ABI2: variants seen among roughly 807,000 people sequenced by gnomAD.
ABI2 encodes the protein abelson interactor 2.
A neutral mutation model predicts 59.2 loss-of-function variants in ABI2; 25 were observed. That is an observed-to-expected ratio of 0.42 (90% CI 0.31 to 0.59). ABI2 has a LOEUF of 0.59. ABI2 is among the 20% of genes least tolerant of loss of function. The pLI is 0.14. For missense variants in ABI2, 545 were observed against 681.8 expected (o/e 0.80, Z 2.23); for synonymous variants, 213 against 235.5 (o/e 0.90, Z 0.87).
At chr2:203,403,539 G>A (rs1259843033) in intron 9 of ABI2, among the ~76,000 whole-genome samples, 1 of 152,048 alleles carries the variant, frequency 6.6e-6, no homozygotes, top group Admixed American at 6.6e-5. Context: ...GAGTCTTGCA[G>A]AAGAAATTTG....
chr2:203,358,111 G>GTGTT (rs776036611), intron 1 of ABI2, among the ~76,000 whole-genome samples: 18 of 109,348 alleles, frequency 1.6e-4, no homozygotes, highest in East Asian at 1.2e-3. Flanking sequence ...GTGTGTGTGT[G>GTGTT]TGTTTGTTTG....
intron 1 of ABI2, among the ~76,000 whole-genome samples, chr2:203,331,367 T>TTTTTTTTTTTG (rs1198154445): frequency 1.4e-5 from 2 of 146,372 alleles, no homozygotes; most frequent in African/African-American, 5.1e-5. Flanking sequence ...TTTTTTTTTT[T>TTTTTTTTTTTG]TCTGAGACAG....
At chr2:203,412,811 T>G (rs1407896259) in intron 10 of ABI2, among the ~76,000 whole-genome samples, 1 of 152,176 alleles carries the variant, frequency 6.6e-6, no homozygotes, top group East Asian at 1.9e-4. Context: ...GGGTCACTGT[T>G]GCCAGGTTTT....
Position 203,337,152 on chromosome 2 carries a change from C to T in ABI2, c.117+8521C>T, listed in dbSNP as rs2076835095. Among the ~76,000 whole-genome samples the T allele has an allele frequency of 3.9e-5, 6 of 152,030 alleles. No homozygotes were observed. The South Asian group carries it at 6.2e-4, about 16-fold the overall frequency. ...CAAAGTACTAGAAGTCCTAGCCAGC[C>T]AGTTAGGAAAGAAAAATAAACAAAA... On this transcript the variant is annotated intron_variant, in intron 1 of 11. Transcript: ENST00000261018.
At chr2:203,351,643 A>G (rs1398842777) in intron 1 of ABI2, 5 of 414,094 alleles carry the variant, frequency 1.2e-5, no homozygotes, top group South Asian at 8.7e-5. Flanking sequence ...TCAAGTGATC[A>G]TCCTGCCTCA....
intron 2 of ABI2, among the ~76,000 whole-genome samples, chr2:203,378,118 C>CT (rs1454045951): frequency 0.012 from 1,745 of 142,204 alleles, 45 homozygotes; most frequent in African/African-American, 0.041. Context: ...CTTTTCTTTT[C>CT]TTTTTTTTTT....
At chr2:203,419,656 C>T (rs987642982) in intron 11 of ABI2, among the ~76,000 whole-genome samples, 3 of 151,760 alleles carry the variant, frequency 2.0e-5, no homozygotes, top group African/African-American at 7.3e-5. Context: ...GGATTACAGG[C>T]GTGAGCCACT....
chr2:203,367,323 CT>C lies in ABI2; in HGVS notation c.285+292del, dbSNP rs35598384. 1,175 of 167,600 alleles carry C rather than the reference CT, an allele frequency of 7.0e-3. 4 individuals carry two copies. The highest frequency in any genetic ancestry group is 0.031 in the East Asian group (230 of 7,382). The allele number at this position is 167,600 out of a possible 1,614,324, so 10.4% of individuals were successfully genotyped here. A position where few individuals can be genotyped will look rare whatever the true frequency, so the allele number is the denominator to read the frequency against. ...AATGAAACTTCATCCATTCCCCCGC[CT>C]TTTTTTTTTTTTAAAACAAATTTCA... On this transcript the variant is annotated intron_variant, in intron 2 of 11. Transcript: ENST00000261018.
chr2:203,376,281 C>G, intron 2 of ABI2: 1 of 575,132 alleles, frequency 1.7e-6, no homozygotes, highest in Non-Finnish European at 3.0e-6. Context: ...TACCTGGATG[C>G]TTTTCTATAT....
chr2:203,390,029 T>C (rs770705874), intron 4 of ABI2, among the ~76,000 whole-genome samples: 93 of 152,174 alleles, frequency 6.1e-4, no homozygotes, highest in Non-Finnish European at 9.4e-4. Flanking sequence ...CCAATTCCCA[T>C]TGGAACTAGG....
chr2:203,353,443 A>G (rs2090115297), intron 1 of ABI2, among the ~76,000 whole-genome samples: 1 of 152,010 alleles, frequency 6.6e-6, no homozygotes, highest in African/African-American at 2.4e-5. Flanking sequence ...TACCCCTTTT[A>G]CCTCTAATTT....
intron 11 of ABI2, among the ~76,000 whole-genome samples, chr2:203,423,019 C>T (rs1209589167): frequency 6.6e-6 from 1 of 152,178 alleles, no homozygotes; most frequent in African/African-American, 2.4e-5. Context: ...GATAATCTTA[C>T]TAGCATTTTG....
chr2:203,402,809 T>C, intron 9 of ABI2, 75 bp downstream of exon 9: 1 of 1,289,454 alleles, frequency 7.8e-7, no homozygotes, highest in South Asian at 1.7e-5. Context: ...AACCCTTAAT[T>C]ACAAATAGTG....
At chr2:203,351,850 C>A in intron 1 of ABI2, among the ~76,000 whole-genome samples, 1 of 152,098 alleles carries the variant, frequency 6.6e-6, no homozygotes, top group East Asian at 1.9e-4. Flanking sequence ...TTCAGTGTTT[C>A]AGTCTCGTAC....
At chr2:203,425,136 T>C (rs2153603528) in intron 11 of ABI2, among the ~76,000 whole-genome samples, 1 of 152,130 alleles carries the variant, frequency 6.6e-6, no homozygotes, top group East Asian at 1.9e-4. Context: ...AGATAGAGCT[T>C]ACTAACTTTC....
At chr2:203,363,632 G>C (rs2093878130) in intron 1 of ABI2, among the ~76,000 whole-genome samples, 1 of 152,078 alleles carries the variant, frequency 6.6e-6, no homozygotes, top group Non-Finnish European at 1.5e-5. Context: ...GAGAACATGC[G>C]ATCTTTCTGT....
chr2:203,392,073 C>A (rs932858900), intron 5 of ABI2, among the ~76,000 whole-genome samples: 1 of 151,996 alleles, frequency 6.6e-6, no homozygotes, highest in Non-Finnish European at 1.5e-5. Context: ...TAGTCAGCTG[C>A]CAAGAATTCA....
At position 203,371,912 on chromosome 2, in the gene ABI2, CTTTTTA is replaced by C. The variant is rs1006933358; in HGVS notation, c.285+4879_285+4884del. Reference sequence around the variant, plus strand: ...TTGTAAACTAAAATTTTTCTTTTTTCTTTTTATTTTTATTTTATTTATTTATTTATT... The same window carrying C: ...TTGTAAACTAAAATTTTTCTTTTTTCTTTTTATTTTATTTATTTATTTATT... On this transcript the variant is annotated intron_variant, in intron 2 of 11. Coordinates refer to ENST00000261018, the MANE Select transcript of ABI2 (RefSeq NM_001375670.1). Among the ~76,000 whole-genome samples the C allele has an allele frequency of 1.2e-4, 18 of 151,394 alleles. No homozygotes were observed. In the South Asian group the frequency reaches 1.7e-3, roughly 14 times the overall value.
At chr2:203,330,361 AG>A (rs1276630426) in intron 1 of ABI2, among the ~76,000 whole-genome samples, 2 of 150,076 alleles carry the variant, frequency 1.3e-5, no homozygotes, top group Non-Finnish European at 3.0e-5. Flanking sequence ...TCAGAGGTTC[AG>A]GCCTGGGCGA....
Sources: gnomAD v4.1 joint callset for allele counts (sites outside exome capture counted in the v4.1 genomes callset) on GRCh38, gnomAD v4.1.1 for gene constraint, MANE v1.5 for transcripts, NCBI Gene and HGNC (gene_info 2026-07-23, HGNC 2026-07-21) for gene names.